CLCN3: variants seen among roughly 807,000 people sequenced by gnomAD.
CLCN3 encodes the protein H(+)/Cl(-) exchange transporter 3.
Under a neutral mutation model 83.4 loss-of-function variants are expected in CLCN3, and 16 were observed. The ratio of observed to expected loss-of-function variants is 0.19; its 90% CI spans 0.13 to 0.29. The LOEUF is 0.29. Ranked by LOEUF, CLCN3 falls within the 10% of genes least tolerant of loss-of-function variation. The pLI is 1.00. For missense variants in CLCN3, 544 were observed against 1,006.0 expected (o/e 0.54, Z 6.21); for synonymous variants, 322 against 346.2 (o/e 0.93, Z 0.78).
intron 10 of CLCN3, among the ~76,000 whole-genome samples, chr4:169,706,310 A>G (rs1309771404): frequency 1.3e-5 from 2 of 152,152 alleles, no homozygotes; most frequent in Non-Finnish European, 2.9e-5. Context: ...GATTACAGGC[A>G]TGAGCCACAG....
intron 11 of CLCN3, among the ~76,000 whole-genome samples, chr4:169,711,228 A>G (rs1733201108): frequency 6.6e-6 from 1 of 152,220 alleles, no homozygotes; most frequent in Non-Finnish European, 1.5e-5. Flanking sequence ...TACTTCTGGT[A>G]GTTTTTACAC....
intron 2 of CLCN3, among the ~76,000 whole-genome samples, chr4:169,653,931 C>T (rs1025594983): frequency 1.3e-5 from 2 of 152,180 alleles, no homozygotes; most frequent in African/African-American, 4.8e-5. Context: ...CAAACACCCA[C>T]TAAGCCCACT....
At chr4:169,718,187 C>T (rs774262335) in intron 12 of CLCN3, among the ~76,000 whole-genome samples, 5 of 151,764 alleles carry the variant, frequency 3.3e-5, no homozygotes, top group East Asian at 1.9e-4. Flanking sequence ...ATCTGTCTAC[C>T]TCAGTGGATA....
chr4:169,713,228 C>G lies in CLCN3; in HGVS notation c.2299C>G (p.Pro767Ala). Residue 767 changes from proline to alanine, a missense_variant, in exon 12 of 13, where the codon CCA (proline) becomes GCA (alanine). Transcript: ENST00000513761. ...CCCTTTTACAGTGACAGACCACACCCCAATGGAGATCGTGGTGGATATTTT... is the reference window on the plus strand; with the variant it reads ...CCCTTTTACAGTGACAGACCACACCGCAATGGAGATCGTGGTGGATATTTT... ...MSPFTVTDHT[P>A]MEIVVDIFRK... 1 of 1,613,998 alleles carries G rather than the reference C, an allele frequency of 6.2e-7. No homozygotes were observed. The highest frequency in any genetic ancestry group is 8.5e-7 in the Non-Finnish European group (1 of 1,179,920).
At chr4:169,665,568 G>A (rs1258272171) in intron 2 of CLCN3, among the ~76,000 whole-genome samples, 4 of 151,186 alleles carry the variant, frequency 2.6e-5, no homozygotes, top group Admixed American at 2.0e-4. Flanking sequence ...CCCTTACCAG[G>A]ATGGCCATTT....
At chr4:169,694,396 A>T (rs1400035840) in intron 7 of CLCN3, among the ~76,000 whole-genome samples, 1 of 152,232 alleles carries the variant, frequency 6.6e-6, no homozygotes, top group East Asian at 1.9e-4. Context: ...ATTTCAACAC[A>T]GCAGCCTGAC....
intron 2 of CLCN3, among the ~76,000 whole-genome samples, chr4:169,649,990 C>T (rs933265342): frequency 1.3e-5 from 2 of 151,896 alleles, no homozygotes; most frequent in African/African-American, 4.8e-5. Flanking sequence ...GAGGCTGGGA[C>T]GTGACCATTA....
intron 11 of CLCN3, among the ~76,000 whole-genome samples, chr4:169,711,597 A>T (rs566213221): frequency 6.6e-6 from 1 of 151,960 alleles, no homozygotes; most frequent in Non-Finnish European, 1.5e-5. Context: ...TGATCTGCCC[A>T]CCTTGGCCTC....
intron 7 of CLCN3, among the ~76,000 whole-genome samples, chr4:169,695,179 A>G (rs1422419521): frequency 6.6e-6 from 1 of 152,190 alleles, no homozygotes. Flanking sequence ...GGTTCCCTGC[A>G]TATCTTGCTA....
At position 169,722,745 on chromosome 4, in the gene CLCN3, T is replaced by C. The variant is rs1025736545; in HGVS notation, c.*2748T>C. The C allele has an allele frequency of 6.6e-6, 1 of 152,230 alleles. No individual in the cohort carries two copies. Among genetic ancestry groups the C allele is most frequent in the African/African-American group, 2.4e-5 (1 of 41,462 alleles). The allele number at this position is 152,230 out of a possible 1,614,324, so 9.4% of individuals were successfully genotyped here. A position where few individuals can be genotyped will look rare whatever the true frequency, so the allele number is the denominator to read the frequency against. On this transcript the variant is annotated 3_prime_UTR_variant, in exon 13 of 13. Coordinates refer to ENST00000513761, the MANE Select transcript of CLCN3 (RefSeq NM_001829.4). ...ATTTCTATCCCTAGTATTTCTATCTTACTGCTAAAATACAGGAAAAGTGCC... is the reference window on the plus strand; with the variant it reads ...ATTTCTATCCCTAGTATTTCTATCTCACTGCTAAAATACAGGAAAAGTGCC...
chr4:169,693,280 T>A (rs1016110075), intron 7 of CLCN3, among the ~76,000 whole-genome samples: 1 of 152,242 alleles, frequency 6.6e-6, no homozygotes, highest in Non-Finnish European at 1.5e-5. Context: ...AGTGGAATAC[T>A]TCAGATTGTC....
chr4:169,685,512 G>C (rs1234066272), intron 3 of CLCN3, among the ~76,000 whole-genome samples: 1 of 151,848 alleles, frequency 6.6e-6, no homozygotes, highest in African/African-American at 2.4e-5. Context: ...CTTTTTTCCT[G>C]TATAATGCTA....
intron 2 of CLCN3, among the ~76,000 whole-genome samples, chr4:169,649,549 G>T (rs1730675394): frequency 6.6e-6 from 1 of 152,178 alleles, no homozygotes; most frequent in Non-Finnish European, 1.5e-5. Context: ...AAATCAGCCA[G>T]ATATACTGAT....
At chr4:169,706,071 G>A (rs562091067) in intron 10 of CLCN3, among the ~76,000 whole-genome samples, 13 of 152,112 alleles carry the variant, frequency 8.5e-5, no homozygotes, top group African/African-American at 3.1e-4. Context: ...TGAGAATACC[G>A]AGAAAGGGAC....
At chr4:169,660,082 G>T in intron 2 of CLCN3, 1 of 1,035,184 alleles carries the variant, frequency 9.7e-7, no homozygotes, top group Non-Finnish European at 1.2e-6. Context: ...GTTGTACTTG[G>T]AGCTTAGTCA....
rs371498763 is a variant in CLCN3 at position 169,689,084 on chromosome 4, A to T, written c.460A>T (p.Thr154Ser). The change falls in exon 5 of 13, where the codon ACT becomes TCT. Residue 154 changes from threonine to serine, a missense_variant. Thr to Ser is a moderately conservative substitution (Grantham distance 58, BLOSUM62 1). Around this residue, in one of 6 missense-constraint regions of CLCN3, gnomAD observed 96 missense variants for 202.1 expected, o/e 0.48. Transcript: ENST00000513761. ...GLIDIAADWM[T>S]DLKEGICLSA... The stretch of plus-strand genomic sequence containing the variant: ...AATAGACATTGCTGCCGATTGGATG[A>T]CTGACCTAAAGGAGGGCATTTGCCT... 2.5e-6 allele frequency: 4 copies of T among 1,613,282 alleles called. No individual in the cohort carries two copies. The highest frequency in any genetic ancestry group is 3.4e-6 in the Non-Finnish European group (4 of 1,179,738).
chr4:169,634,850 CT>C (rs1302285452), intron 1 of CLCN3, among the ~76,000 whole-genome samples: 1 of 152,062 alleles, frequency 6.6e-6, no homozygotes, highest in Non-Finnish European at 1.5e-5. Context: ...AAAACTTCAC[CT>C]TTTTCAAAGT....
At chr4:169,717,736 G>T in intron 12 of CLCN3, 1 of 1,107,776 alleles carries the variant, frequency 9.0e-7, no homozygotes, top group South Asian at 1.4e-5. Context: ...CATTATGATT[G>T]GAAACTCTTT....
intron 2 of CLCN3, among the ~76,000 whole-genome samples, chr4:169,660,886 C>A (rs936480306): frequency 6.6e-6 from 1 of 152,088 alleles, no homozygotes; most frequent in South Asian, 2.1e-4. Context: ...AGATTTTACA[C>A]CACAAAGTAA....
Sources: gnomAD v4.1 joint callset for allele counts (sites outside exome capture counted in the v4.1 genomes callset) on GRCh38, gnomAD v4.1.1 for gene constraint, gnomAD v4.1.1 regional missense constraint, MANE v1.5 for transcripts, NCBI Gene and HGNC (gene_info 2026-07-23, HGNC 2026-07-21) for gene names.